Variants in CHM observed in about 807,000 individuals in gnomAD.
The protein encoded by CHM is CHM Rab escort protein, also known as rab proteins geranylgeranyltransferase component A 1.
Under a neutral mutation model 49.0 loss-of-function variants are expected in CHM, and 10 were observed. The observed-to-expected ratio is 0.20, with a 90% CI of 0.13 to 0.35. The LOEUF (loss-of-function observed/expected upper bound fraction) is 0.35, where lower values mean the gene tolerates loss of function less well. CHM is among the 10% of genes least tolerant of loss of function. The pLI is 1.00. For missense variants in CHM, 455 were observed against 478.4 expected (o/e 0.95, Z 0.46); for synonymous variants, 184 against 167.5 (o/e 1.10, Z -0.76).
intron 8 of CHM, 26 bp downstream of exon 8, chrX:85,956,127 G>A: frequency 8.6e-7 from 1 of 1,159,066 alleles, no homozygotes; most frequent in Admixed American, 2.2e-5. Flanking sequence ...TTTTAGAAGG[G>A]ACAAGAAAAT....
rs751392920 is a variant in CHM, at chrX:85,944,105, CTT to C, written c.1166+12046_1166+12047del. Among the ~76,000 whole-genome samples the C allele has an allele frequency of 3.9e-4, 44 of 111,898 alleles. 1 individual carries two copies. The highest frequency in any genetic ancestry group is 1.3e-3 in the African/African-American group (40 of 30,872). ...TCACATGCAGTTGAATATATAAACT[CTT>C]TAAATTTTCCAACAGTATACTCCTT... On this transcript the variant is annotated intron_variant, in intron 8 of 14. Transcript: ENST00000357749.
chrX:86,047,230 T>C (rs944164094), intron 1 of CHM: 5 of 426,189 alleles, frequency 1.2e-5, no homozygotes, highest in Non-Finnish European at 2.1e-5. Context: ...TTAACAGGAA[T>C]CACCGCAGCA....
chrX:85,908,129 G>A (rs1026793371), intron 9 of CHM, among the ~76,000 whole-genome samples: 4 of 112,057 alleles, frequency 3.6e-5, no homozygotes, highest in Non-Finnish European at 7.5e-5. Context: ...GGAGACAAAT[G>A]CAAATCTTTG....
At chrX:85,988,687 C>CAT (rs1932036677) in intron 2 of CHM, among the ~76,000 whole-genome samples, 2 of 111,359 alleles carry the variant, frequency 1.8e-5, no homozygotes, top group Non-Finnish European at 3.8e-5. Flanking sequence ...AAAATCCCTA[C>CAT]CATTCCCATG....
chrX:85,875,892 T>C (rs1281350890), intron 13 of CHM, among the ~76,000 whole-genome samples: 3 of 111,653 alleles, frequency 2.7e-5, no homozygotes, highest in Admixed American at 9.6e-5. Flanking sequence ...AGGATTTCTA[T>C]ACACTAATAA....
intron 4 of CHM, among the ~76,000 whole-genome samples, chrX:85,966,348 TAAAA>T (rs761814256): frequency 1.5e-5 from 1 of 67,126 alleles, no homozygotes; most frequent in Non-Finnish European, 2.9e-5. Flanking sequence ...AAACTCCGTC[TAAAA>T]AAAAAAAAAA....
chrX:85,998,183 T>C (rs1270543096), intron 2 of CHM, among the ~76,000 whole-genome samples: 1 of 111,853 alleles, frequency 8.9e-6, no homozygotes, highest in Non-Finnish European at 1.9e-5. Flanking sequence ...CTATTAGTAC[T>C]ACAGCATACT....
At chrX:85,958,317 C>CT (rs3838390) in intron 6 of CHM, among the ~76,000 whole-genome samples, 25,484 of 110,920 alleles carry the variant, frequency 0.23, 2,237 homozygotes, top group Middle Eastern at 0.27. Context: ...ATTAATCTGC[C>CT]TTTGTGAGTT....
At chrX:86,029,227 G>A (rs1164381038) in intron 1 of CHM, among the ~76,000 whole-genome samples, 1 of 112,168 alleles carries the variant, frequency 8.9e-6, no homozygotes, top group Non-Finnish European at 1.9e-5. Context: ...GAGGGAAATA[G>A]GAGAAAGTTT....
chrX:85,944,156 G>A (rs1328169272), intron 8 of CHM, among the ~76,000 whole-genome samples: 2 of 111,242 alleles, frequency 1.8e-5, no homozygotes, highest in African/African-American at 6.5e-5. Flanking sequence ...ACTTCTCTTG[G>A]TTTTCTAATA....
intron 2 of CHM, among the ~76,000 whole-genome samples, chrX:86,007,162 G>A (rs922227317): frequency 4.5e-5 from 5 of 112,079 alleles, no homozygotes; most frequent in African/African-American, 6.5e-5. Flanking sequence ...AATGGGGAAA[G>A]CATTCCCTAT....
At chrX:85,977,583 G>A in intron 4 of CHM, among the ~76,000 whole-genome samples, 1 of 112,198 alleles carries the variant, frequency 8.9e-6, no homozygotes. Context: ...CTATATTGTA[G>A]TCAAGTAATA....
At chrX:85,989,776 T>C (rs1244228224) in intron 2 of CHM, among the ~76,000 whole-genome samples, 4 of 110,725 alleles carry the variant, frequency 3.6e-5, no homozygotes, top group African/African-American at 1.3e-4. Flanking sequence ...GAAATGAAAA[T>C]CAAAACCACA....
intron 8 of CHM, among the ~76,000 whole-genome samples, chrX:85,922,977 G>A (rs1428809526): frequency 8.9e-6 from 1 of 112,166 alleles, no homozygotes; most frequent in African/African-American, 3.2e-5. Context: ...AGTTGAGTGG[G>A]CTTGTTTAGC....
At chrX:85,896,422 G>A (rs1032641274) in intron 11 of CHM, among the ~76,000 whole-genome samples, 1 of 111,297 alleles carries the variant, frequency 9.0e-6, no homozygotes, top group Non-Finnish European at 1.9e-5. Context: ...GGAAGAAGTT[G>A]CCATTGAAAG....
chrX:85,964,855 AT>A (rs10706226), intron 4 of CHM, among the ~76,000 whole-genome samples: 24,829 of 111,416 alleles, frequency 0.22, 2,113 homozygotes, highest in Middle Eastern at 0.26. Flanking sequence ...TGCTTTATGA[AT>A]TTCTGTGATA....
Position 86,021,198 on chromosome X carries a change from C to T in CHM, c.116+6293G>A, listed in dbSNP as rs1188477817. On this transcript the variant is annotated intron_variant, in intron 2 of 14. Coordinates refer to ENST00000357749, the MANE Select transcript of CHM (RefSeq NM_000390.4). The stretch of plus-strand genomic sequence containing the variant: ...TGTATATATATATATATATGAAATC[C>T]GAAGCACTTCGGGTCCCAAGCATTT... Among the ~76,000 whole-genome samples the T allele has an allele frequency of 1.3e-4, 10 of 77,558 alleles. 1 individual carries two copies. Among genetic ancestry groups the T allele is most frequent in the East Asian group, 4.2e-4 (1 of 2,398 alleles). The allele number at this position is 77,558 out of a possible 115,157, so 67.3% of individuals were successfully genotyped here.
intron 4 of CHM, among the ~76,000 whole-genome samples, chrX:85,973,328 AAAAG>A (rs1569233634): frequency 6.9e-4 from 70 of 101,511 alleles, no homozygotes; most frequent in African/African-American, 1.9e-3. Flanking sequence ...AAAAAAAAAA[AAAAG>A]AAAGAAAGAA....
At chrX:86,023,327 C>T (rs1415572823) in intron 2 of CHM, among the ~76,000 whole-genome samples, 1 of 110,941 alleles carries the variant, frequency 9.0e-6, no homozygotes, top group Non-Finnish European at 1.9e-5. Context: ...TGTAGTTTCC[C>T]AAACTTGTCA....
Sources: gnomAD v4.1 joint callset for allele counts (sites outside exome capture counted in the v4.1 genomes callset) on GRCh38, gnomAD v4.1.1 for gene constraint, MANE v1.5 for transcripts, NCBI Gene and HGNC (gene_info 2026-07-23, HGNC 2026-07-21) for gene names.